Variants in RBFOX1 observed in about 807,000 individuals in gnomAD.
RBFOX1 encodes RNA binding protein fox-1 homolog 1.
Under a neutral mutation model 57.7 loss-of-function variants are expected in RBFOX1, and 8 were observed. The ratio of observed to expected loss-of-function variants is 0.14; its 90% CI spans 0.08 to 0.25. RBFOX1 has a LOEUF of 0.25. Ranked by LOEUF, RBFOX1 falls within the 10% of genes least tolerant of loss-of-function variation. RBFOX1 has a pLI of 1.00. For missense variants in RBFOX1, 611 were observed against 548.5 expected, an observed-to-expected ratio of 1.11 and a Z score of -1.14; for synonymous variants, 326 against 222.4, an observed-to-expected ratio of 1.47 and a Z score of -4.15.
At chr16:6,798,610 T>G (rs1603626071) in intron 3 of RBFOX1, among the ~76,000 whole-genome samples, 1 of 152,224 alleles carries the variant, frequency 6.6e-6, no homozygotes, top group Admixed American at 6.5e-5. Flanking sequence ...ATATCTGTGC[T>G]TTGTTGACTA....
At chr16:6,408,371 A>C (rs1025761841) in intron 2 of RBFOX1, among the ~76,000 whole-genome samples, 1 of 152,092 alleles carries the variant, frequency 6.6e-6, no homozygotes, top group Middle Eastern at 3.2e-3. Context: ...GATGTATTTA[A>C]TGTATGATTT....
At chr16:7,115,349 A>G (rs1038106) in intron 4 of RBFOX1, among the ~76,000 whole-genome samples, 12,298 of 152,258 alleles carry the variant, frequency 0.081, 701 homozygotes, top group East Asian at 0.25. Context: ...AATAAGAAAT[A>G]TGAAAGTCCT....
chr16:6,821,109 A>G (rs980116890), intron 3 of RBFOX1, among the ~76,000 whole-genome samples: 4 of 152,230 alleles, frequency 2.6e-5, no homozygotes, highest in Non-Finnish European at 5.9e-5. Context: ...CCACTACACC[A>G]TTAAAAAACA....
chr16:5,892,626 G>A (rs377743772), intron 4 of RBFOX1, among the ~76,000 whole-genome samples: 2 of 152,168 alleles, frequency 1.3e-5, no homozygotes, highest in Admixed American at 6.5e-5. Flanking sequence ...GGAATGCATC[G>A]CGGAATCTTG....
intron 2 of RBFOX1, among the ~76,000 whole-genome samples, chr16:6,339,686 T>G (rs371771674): frequency 7.5e-6 from 1 of 133,560 alleles, no homozygotes; most frequent in Non-Finnish European, 1.6e-5. Context: ...TTTATTTTAT[T>G]TTTTGAGAGA....
intron 4 of RBFOX1, among the ~76,000 whole-genome samples, chr16:7,397,558 G>C (rs889137909): frequency 6.6e-6 from 1 of 152,120 alleles, no homozygotes; most frequent in South Asian, 2.1e-4. Context: ...AACTTTGAAA[G>C]TCAGTACCAA....
chr16:7,507,423 G>C (rs1270666274), intron 4 of RBFOX1, among the ~76,000 whole-genome samples: 4 of 152,104 alleles, frequency 2.6e-5, no homozygotes, highest in South Asian at 2.1e-4. Flanking sequence ...AAAAAACACA[G>C]AACATTTTTC....
intron 4 of RBFOX1, among the ~76,000 whole-genome samples, chr16:7,177,553 T>A (rs944247809): frequency 1.3e-5 from 2 of 152,060 alleles, no homozygotes; most frequent in African/African-American, 2.4e-5. Flanking sequence ...CTACCTTGTG[T>A]CTTATTTTCA....
intron 3 of RBFOX1, among the ~76,000 whole-genome samples, chr16:6,793,618 C>G (rs978887597): frequency 2.6e-5 from 4 of 152,068 alleles, no homozygotes; most frequent in African/African-American, 9.7e-5. Flanking sequence ...AAACTGAAAG[C>G]TTTACTGTTA....
intron 4 of RBFOX1, among the ~76,000 whole-genome samples, chr16:7,490,135 T>C (rs557753061): frequency 3.9e-5 from 6 of 152,326 alleles, no homozygotes; most frequent in African/African-American, 1.2e-4. Context: ...GCTGCAGAAC[T>C]TCCTTCAGTC....
At chr16:7,398,544 G>A (rs993277841) in intron 4 of RBFOX1, among the ~76,000 whole-genome samples, 5 of 152,216 alleles carry the variant, frequency 3.3e-5, no homozygotes, top group South Asian at 2.1e-4. Flanking sequence ...AAATTCAGTC[G>A]CTTACCCAGA....
chr16:5,381,775 G>T (rs1428593334), intron 1 of RBFOX1, among the ~76,000 whole-genome samples: 1 of 152,208 alleles, frequency 6.6e-6, no homozygotes, highest in Non-Finnish European at 1.5e-5. Flanking sequence ...GTTAGGTCCT[G>T]GGATGCCCCC....
At chr16:5,254,574 G>C (rs1010967542) in intron 1 of RBFOX1, among the ~76,000 whole-genome samples, 1 of 152,124 alleles carries the variant, frequency 6.6e-6, no homozygotes, top group African/African-American at 2.4e-5. Context: ...CACTTCTCTT[G>C]ACTGCCTCTC....
chr16:5,287,854 C>T (rs1192580233), intron 1 of RBFOX1, among the ~76,000 whole-genome samples: 1 of 152,214 alleles, frequency 6.6e-6, no homozygotes, highest in African/African-American at 2.4e-5. Flanking sequence ...GGAGGAACTG[C>T]AGAGACAAAT....
intron 1 of RBFOX1, among the ~76,000 whole-genome samples, chr16:5,462,493 A>T (rs977856820): frequency 6.6e-6 from 1 of 152,122 alleles, no homozygotes; most frequent in Admixed American, 6.5e-5. Flanking sequence ...TCTAATGCAC[A>T]TGGAACACCT....
At chr16:5,844,208 G>T (rs1270485548) in intron 3 of RBFOX1, among the ~76,000 whole-genome samples, 1 of 152,202 alleles carries the variant, frequency 6.6e-6, no homozygotes, top group Non-Finnish European at 1.5e-5. Context: ...AGTTTACCAT[G>T]AGGGTTATTA....
chr16:6,455,460 G>A (rs997318005), intron 2 of RBFOX1, among the ~76,000 whole-genome samples: 5 of 152,128 alleles, frequency 3.3e-5, no homozygotes, highest in Non-Finnish European at 5.9e-5. Flanking sequence ...TTAGCCTCCC[G>A]TTGAGTGGCA....
At chr16:5,431,352 G>A (rs923631232) in intron 1 of RBFOX1, among the ~76,000 whole-genome samples, 3 of 152,192 alleles carry the variant, frequency 2.0e-5, no homozygotes, top group African/African-American at 7.2e-5. Flanking sequence ...CTGGGTTACA[G>A]TAATTCTAAG....
At chr16:7,665,064 T>C (rs1295794981) in intron 13 of RBFOX1, 96 bp downstream of exon 13, 2 of 1,608,834 alleles carry the variant, frequency 1.2e-6, no homozygotes, top group Non-Finnish European at 1.7e-6. Flanking sequence ...CGTAGTTGAG[T>C]TTCTCTCCTT....
Sources: allele counts gnomAD v4.1 joint callset (sites outside exome capture counted in the v4.1 genomes callset), GRCh38; gene constraint gnomAD v4.1.1; transcripts MANE v1.5; gene names NCBI Gene and HGNC (gene_info 2026-07-23, HGNC 2026-07-21).